HAPSTR1: variants seen among roughly 807,000 people sequenced by gnomAD.
The protein encoded by HAPSTR1 is HUWE1-associated protein modifying stress responses 1.
At chr16:9,092,832 G>T in the HAPSTR1 span, 1 of 1,334,514 alleles carries the variant, frequency 7.5e-7, no homozygotes, top group Non-Finnish European at 1.0e-6. Flanking sequence ...TGATTGACGC[G>T]CAAATAACAT....
the HAPSTR1 span, among the ~76,000 whole-genome samples, chr16:9,094,913 C>T: frequency 3.9e-5 from 6 of 152,166 alleles, no homozygotes; most frequent in Admixed American, 2.0e-4. Context: ...TAGCAGTTTT[C>T]GTTAGTGCTA....
chr16:9,111,210 C>CT, the HAPSTR1 span: 3 of 152,228 alleles, frequency 2.0e-5, no homozygotes, highest in Admixed American at 2.0e-4. Flanking sequence ...ACAGTAGATT[C>CT]TTAAGGAATG....
At chr16:9,119,415 C>G in the HAPSTR1 span, 1 of 152,242 alleles carries the variant, frequency 6.6e-6, no homozygotes, top group Non-Finnish European at 1.5e-5. Flanking sequence ...GGAACAGAAG[C>G]TCTCTTCGTC....
chr16:9,116,595 T>C, the HAPSTR1 span: 1 of 1,549,516 alleles, frequency 6.5e-7, no homozygotes, highest in Non-Finnish European at 8.8e-7. Context: ...TGTGACAACA[T>C]GGAAAGTAAG....
At chr16:9,096,850 T>C in the HAPSTR1 span, among the ~76,000 whole-genome samples, 1 of 152,048 alleles carries the variant, frequency 6.6e-6, no homozygotes, top group Admixed American at 6.5e-5. Context: ...TTTTTTTTAA[T>C]GAAAAAATTG....
chr16:9,101,193 T>C, the HAPSTR1 span, among the ~76,000 whole-genome samples: 76,676 of 152,130 alleles, frequency 0.5, 21,091 homozygotes, highest in African/African-American at 0.73. Flanking sequence ...AGGTCATCTT[T>C]AGGTTTGTCC....
At chr16:9,091,673 A>C in the HAPSTR1 span, 1 of 398,904 alleles carries the variant, frequency 2.5e-6, no homozygotes, top group East Asian at 3.6e-5. Context: ...TCCGCGGTGC[A>C]GGCCGAGCTG....
chr16:9,099,877 G>C, the HAPSTR1 span, among the ~76,000 whole-genome samples: 1 of 152,240 alleles, frequency 6.6e-6, no homozygotes, highest in African/African-American at 2.4e-5. Flanking sequence ...TATGAGAAAG[G>C]TTTGTTTTCA....
chr16:9,092,421 C>A, the HAPSTR1 span: 1 of 675,068 alleles, frequency 1.5e-6, no homozygotes, highest in Non-Finnish European at 2.0e-6. Flanking sequence ...CCGCCCCCTC[C>A]CCGCAAGATG....
the HAPSTR1 span, chr16:9,103,857 G>C: frequency 6.6e-6 from 1 of 152,550 alleles, no homozygotes; most frequent in Non-Finnish European, 1.5e-5. Context: ...GTCATAAGAA[G>C]GCACTCTTGG....
At chr16:9,117,103 T>A in the HAPSTR1 span, 1 of 753,964 alleles carries the variant, frequency 1.3e-6, no homozygotes, top group Non-Finnish European at 2.1e-6. Context: ...ATGGCTTTCT[T>A]AAAACTATAA....
chr16:9,112,574 T>C, the HAPSTR1 span: 6 of 152,334 alleles, frequency 3.9e-5, no homozygotes, highest in Non-Finnish European at 7.3e-5. Context: ...ATGACTGGGC[T>C]GGCATTTGTT....
At chr16:9,098,969 G>A in the HAPSTR1 span, among the ~76,000 whole-genome samples, 7 of 152,112 alleles carry the variant, frequency 4.6e-5, no homozygotes, top group African/African-American at 1.4e-4. Context: ...AAAGCTATAA[G>A]TAGAGTAATC....
the HAPSTR1 span, chr16:9,107,658 C>T: frequency 2.6e-5 from 4 of 152,334 alleles, no homozygotes; most frequent in East Asian, 3.9e-4. Context: ...GGTTAGGTAT[C>T]CTACCCATAC....
the HAPSTR1 span, chr16:9,107,326 G>T: frequency 2.0e-5 from 3 of 152,204 alleles, no homozygotes; most frequent in Non-Finnish European, 4.4e-5. Flanking sequence ...GGCAAAATAT[G>T]GATTTGGTTA....
At chr16:9,110,671 T>C in the HAPSTR1 span, 1 of 152,218 alleles carries the variant, frequency 6.6e-6, no homozygotes, top group Admixed American at 6.5e-5. Flanking sequence ...ACCTCTTCCA[T>C]CACTATAGCT....
the HAPSTR1 span, among the ~76,000 whole-genome samples, chr16:9,098,655 T>C: frequency 6.6e-6 from 1 of 152,224 alleles, no homozygotes; most frequent in African/African-American, 2.4e-5. Context: ...ACCCTGCCTC[T>C]ACCCTTCCTC....
the HAPSTR1 span, chr16:9,092,939 C>CAGG: frequency 1.9e-6 from 3 of 1,608,414 alleles, no homozygotes; most frequent in South Asian, 2.2e-5. Flanking sequence ...TGTCAGCAGC[C>CAGG]AGGACTTTCT....
At chr16:9,102,883 A>G in the HAPSTR1 span, 6 of 1,235,850 alleles carry the variant, frequency 4.9e-6, no homozygotes, top group Non-Finnish European at 6.8e-6. Flanking sequence ...AGGCCACATC[A>G]TGGTATTCAC....
Sources: gnomAD v4.1 joint callset for allele counts (sites outside exome capture counted in the v4.1 genomes callset) on GRCh38, gnomAD v4.1.1 for gene constraint, MANE v1.5 for transcripts, NCBI Gene and HGNC (gene_info 2026-07-23, HGNC 2026-07-21) for gene names.